INSR: variants seen among roughly 807,000 people sequenced by gnomAD.
The protein encoded by INSR is insulin receptor, also known as IR.
In INSR, 67 loss-of-function variants were observed where a neutral mutation model predicts 142.6. That is an observed-to-expected ratio of 0.47 (90% confidence interval 0.39 to 0.58). The LOEUF (loss-of-function observed/expected upper bound fraction) is 0.58, where lower values mean the gene tolerates loss of function less well. Ranked by LOEUF, INSR falls within the 20% of genes least tolerant of loss-of-function variation. INSR has a pLI of 0.00. For missense variants in INSR, 1,248 were observed against 1,833.2 expected, an observed-to-expected ratio of 0.68 and a Z score of 5.83; for synonymous variants, 756 against 743.1, an observed-to-expected ratio of 1.02 and a Z score of -0.28.
intron 2 of INSR, among the ~76,000 whole-genome samples, chr19:7,214,832 C>T (rs1975383285): frequency 8.3e-6 from 1 of 120,006 alleles, no homozygotes; most frequent in Admixed American, 1.0e-4. Flanking sequence ...TTCCTTCCTT[C>T]CCTCCCTCCT....
Position 7,166,494 on chromosome 19 carries a change from T to C in INSR, c.1611-90A>G, listed in dbSNP as rs561374241. ...ATGAGGCCTGGGAAGTTACATCCCA[T>C]AGGGTCACATGTTACTCACCCAACA... On this transcript the variant is annotated intron_variant, in intron 7 of 21. Transcript: ENST00000302850. The surrounding 1 kb of genome is among the most constrained non-coding windows in gnomAD (Gnocchi z 4.1). 68 of 1,377,470 alleles carry C rather than the reference T, an allele frequency of 4.9e-5. No individual in the cohort carries two copies. In the African/African-American group the frequency reaches 6.7e-4, roughly 14 times the overall value. The allele number at this position is 1,377,470 out of a possible 1,614,324, so 85.3% of individuals were successfully genotyped here.
At chr19:7,228,629 T>C (rs1416045324) in intron 2 of INSR, among the ~76,000 whole-genome samples, 3 of 152,192 alleles carry the variant, frequency 2.0e-5, no homozygotes, top group South Asian at 2.1e-4. Context: ...TATCTGCAGA[T>C]GCTGCAATTA....
intron 1 of INSR, among the ~76,000 whole-genome samples, chr19:7,285,758 A>G (rs1968330327): frequency 6.6e-6 from 1 of 152,174 alleles, no homozygotes; most frequent in African/African-American, 2.4e-5. Flanking sequence ...TATAAGATAA[A>G]ATCTTTTAAA....
At chr19:7,268,379 C>T in intron 1 of INSR, 1 of 959,994 alleles carries the variant, frequency 1.0e-6, no homozygotes, top group South Asian at 4.8e-5. Context: ...GGACTGCTCT[C>T]CTGACCTGCA....
chr19:7,153,206 C>CACACCA (rs1568449595), intron 9 of INSR, among the ~76,000 whole-genome samples: 13,214 of 77,158 alleles, frequency 0.17, 6,242 homozygotes, highest in Non-Finnish European at 0.27. Flanking sequence ...ACCACACACA[C>CACACCA]CACACACCAC....
At position 7,293,869 on chromosome 19, in the gene INSR, C is replaced by G. The variant is rs970356148; in HGVS notation, c.23G>C (p.Gly8Ala). The change falls in exon 1 of 22, where the codon GGG becomes GCG. Residue 8 changes from glycine (G) to alanine (A), a missense_variant. Around this residue, in one of 3 missense-constraint regions of INSR, gnomAD observed 57 missense variants for 49.5 expected, o/e 1.15. Coordinates refer to ENST00000302850, the MANE Select transcript of INSR (RefSeq NM_000208.4). MATGGRR[G>A]AAAAPLLVAV... ...CACCAGCAGCGGCGCGGCCGCCGCC[C>G]CCCGCCGGCCCCCGGTGGCCATGGC... The G allele has an allele frequency of 1.5e-4, 184 of 1,239,108 alleles. No individual in the cohort carries two copies. The highest frequency in any genetic ancestry group is 1.7e-4 in the Non-Finnish European group (173 of 997,694). 76.8% of individuals were successfully genotyped at this position (1,239,108 alleles called of 1,614,324 possible).
Position 7,128,954 on chromosome 19 carries a change from A to C in INSR, c.2843T>G (p.Leu948Ter). 6.2e-7 allele frequency: 1 copy of C among 1,601,052 alleles called. No homozygotes were observed. The highest frequency in any genetic ancestry group is 8.6e-7 in the Non-Finnish European group (1 of 1,168,054). ...TTTTGCAATATTTGACGGGACGTCT[A>C]CTGAAATAGAATAAGAAAATATATG... The part of the protein sequence containing the change: ...EPTYFYVTDY[L>*]DVPSNIAKII... The change falls in exon 15 of 22, where the codon TTA (leucine) becomes TGA (stop). Residue 948 changes from leucine to a stop codon, truncating the protein, a stop_gained and splice_region_variant. Transcript: ENST00000302850. LOFTEE classifies it high-confidence loss of function.
intron 2 of INSR, among the ~76,000 whole-genome samples, chr19:7,250,641 T>C (rs993368024): frequency 6.8e-6 from 1 of 147,834 alleles, no homozygotes; most frequent in Non-Finnish European, 1.5e-5. Flanking sequence ...AAGATGAGAG[T>C]TCGGGCAACC....
At chr19:7,124,855 G>A (rs1355252639) in intron 17 of INSR, among the ~76,000 whole-genome samples, 1 of 151,136 alleles carries the variant, frequency 6.6e-6, no homozygotes, top group African/African-American at 2.4e-5. Context: ...GAGTAGGAAC[G>A]AGGGCAGGTG....
intron 2 of INSR, among the ~76,000 whole-genome samples, chr19:7,224,601 C>T (rs1490738221): frequency 6.6e-6 from 1 of 152,168 alleles, no homozygotes; most frequent in Non-Finnish European, 1.5e-5. Context: ...GGAGAACATA[C>T]AAAGAAAGAC....
intron 2 of INSR, among the ~76,000 whole-genome samples, chr19:7,250,580 GGGAGGGAAGGAAGGAA>G (rs1976694772): frequency 7.0e-6 from 1 of 142,716 alleles, no homozygotes; most frequent in Admixed American, 7.0e-5. Flanking sequence ...GAAGGAAGGA[GGGAGGGAAGGAAGGAA>G]GGAGAGGAGG....
Position 7,117,136 on chromosome 19 carries a change from C to T in INSR, c.4069G>A (p.Glu1357Lys). Residue 1357 changes from glutamate (E) to lysine (K), a missense_variant, in exon 22 of 22, where the codon GAA (glutamate) becomes AAA (lysine). This residue lies in a region of INSR where 122 missense variants were observed against 129.8 expected (regional missense o/e 0.94). Coordinates refer to ENST00000302850, the MANE Select transcript of INSR (RefSeq NM_000208.4). ...SSLGFKRSYEEHIPYTHMNGG... is the reference protein window; with the variant it reads ...SSLGFKRSYEKHIPYTHMNGG... ...TTCATGTGTGTGTAAGGGATGTGTT[C>T]CTCGTAGCTCCGCTTGAAACCCAGC... The T allele has an allele frequency of 6.2e-7, 1 of 1,614,120 alleles. No homozygotes were observed. Among genetic ancestry groups the T allele is most frequent in the African/African-American group, 1.3e-5 (1 of 75,030 alleles).
chr19:7,188,745 T>A (rs1391314654), intron 2 of INSR, among the ~76,000 whole-genome samples: 6 of 151,426 alleles, frequency 4.0e-5, no homozygotes, highest in Non-Finnish European at 8.8e-5. Context: ...GTGGTGGTGC[T>A]TGCCTATAAT....
At position 7,116,980 on chromosome 19, in the gene INSR, G is replaced by T; in HGVS notation, c.*76C>A. ...GACATGGTAGAGTCGTGAGAATCCT[G>T]AGTTTTCCAGAGGCTTTCAAACCAG... On this transcript the variant is annotated 3_prime_UTR_variant, in exon 22 of 22. Coordinates refer to ENST00000302850, the MANE Select transcript of INSR (RefSeq NM_000208.4). The T allele has an allele frequency of 3.6e-6, 4 of 1,100,564 alleles. No individual in the cohort carries two copies. The highest frequency in any genetic ancestry group is 5.6e-6 in the Non-Finnish European group (4 of 711,692). 68.2% of individuals were successfully genotyped at this position (1,100,564 alleles called of 1,614,324 possible). A position where few individuals can be genotyped will look rare whatever the true frequency, so the allele number is the denominator to read the frequency against.
intron 11 of INSR, among the ~76,000 whole-genome samples, chr19:7,149,936 AGAAGGAAGGAAGGAAGGAAG>A (rs71177162): frequency 3.7e-4 from 53 of 144,284 alleles, no homozygotes; most frequent in African/African-American, 9.8e-4. Flanking sequence ...AAAAAAAGAA[AGAAGGAAGGAAGGAAGGAAG>A]GAAGGAAGGA....
chr19:7,218,037 T>C (rs931616687), intron 2 of INSR, among the ~76,000 whole-genome samples: 10 of 152,126 alleles, frequency 6.6e-5, no homozygotes, highest in African/African-American at 2.4e-4. Flanking sequence ...GAGGATGGGA[T>C]GGTGACGGAG....
In INSR at chr19:7,184,641, G is replaced by A; in HGVS notation, c.653-4C>T. 1.4e-6 allele frequency: 1 copy of A among 700,074 alleles called. No individual in the cohort carries two copies. 43.4% of individuals were successfully genotyped at this position (700,074 alleles called of 1,614,324 possible). On this transcript the variant is annotated splice_polypyrimidine_tract_variant and splice_region_variant and intron_variant, in intron 2 of 21. Transcript: ENST00000302850. ...GACTTACAGATGGTCGGGCAAACTGGAGAGAGAGAGAGAGAGAGAGGGAAA... is the reference window on the plus strand; with the variant it reads ...GACTTACAGATGGTCGGGCAAACTGAAGAGAGAGAGAGAGAGAGAGGGAAA...
chr19:7,278,979 A>G (rs1600125360), intron 1 of INSR, among the ~76,000 whole-genome samples: 2 of 152,252 alleles, frequency 1.3e-5, no homozygotes, highest in African/African-American at 4.8e-5. Flanking sequence ...AAATACAAAA[A>G]TTAGCCAGGG....
chr19:7,272,028 G>A (rs1967938457), intron 1 of INSR, among the ~76,000 whole-genome samples: 1 of 144,732 alleles, frequency 6.9e-6, no homozygotes, highest in African/African-American at 2.6e-5. Flanking sequence ...ATACAGGCTG[G>A]CCGCAGTGGC....
Sources: allele counts gnomAD v4.1 joint callset (sites outside exome capture counted in the v4.1 genomes callset), GRCh38; gene constraint gnomAD v4.1.1; regional missense constraint gnomAD v4.1.1; non-coding constraint Gnocchi (gnomAD v3.1); transcripts MANE v1.5; gene names NCBI Gene and HGNC (gene_info 2026-07-23, HGNC 2026-07-21).